Variants in GSN observed in about 807,000 individuals in gnomAD.
GSN encodes actin-depolymerizing factor.
In GSN, 56 loss-of-function variants were observed where a neutral mutation model predicts 85.7. The ratio of observed to expected loss-of-function variants is 0.65; its 90% CI spans 0.53 to 0.82. GSN has a LOEUF of 0.82. GSN is among the 40% of genes least tolerant of loss of function. GSN has a pLI of 0.00. For synonymous variants in GSN, 373 were observed against 399.1 expected (o/e 0.93, Z 0.78); for missense variants, 857 against 979.8 (o/e 0.87, Z 1.67).
At chr9:121,302,645 C>T (rs1315730350) in intron 3 of GSN, among the ~76,000 whole-genome samples, 1 of 152,114 alleles carries the variant, frequency 6.6e-6, no homozygotes, top group Non-Finnish European at 1.5e-5. Flanking sequence ...GTGAATTGAT[C>T]TGATGCTCCC....
At chr9:121,308,723 G>T (rs895496960) in intron 4 of GSN, 6 of 152,270 alleles carry the variant, frequency 3.9e-5, no homozygotes, top group African/African-American at 1.4e-4. Context: ...ACATGCCTGG[G>T]TTTGAATTCT....
chr9:121,302,111 T>C lies in GSN; in HGVS notation c.140T>C (p.Leu47Pro). 1 of 1,614,214 alleles carries C rather than the reference T, an allele frequency of 6.2e-7. No individual in the cohort carries two copies. ...DFFTGDAYVI[L>P]KTVQLRNGNL... ...TTCACGGGCGACGCCTACGTCATCC[T>C]GAAGACAGTGCAGCTGAGGAACGGA... The change falls in exon 3 of 18, where the codon CTG (leucine) becomes CCG (proline). Residue 47 changes from leucine to proline, a missense_variant. Coordinates refer to ENST00000432226, the MANE Select transcript of GSN (RefSeq NM_198252.3).
chr9:121,231,555 A>C (rs1588444000), intron 5 of GSN, among the ~76,000 whole-genome samples: 1 of 152,306 alleles, frequency 6.6e-6, no homozygotes, highest in Non-Finnish European at 1.5e-5. Flanking sequence ...AGAAGAAAAA[A>C]CAAAAAACAA....
intron 4 of GSN, among the ~76,000 whole-genome samples, chr9:121,216,856 A>G (rs2054073132): frequency 1.3e-5 from 2 of 152,216 alleles, no homozygotes; most frequent in African/African-American, 4.8e-5. Context: ...CTACAAGTCC[A>G]AGATCAAGAT....
intron 5 of GSN, among the ~76,000 whole-genome samples, chr9:121,234,629 A>G (rs1274415210): frequency 2.0e-5 from 3 of 152,200 alleles, no homozygotes; most frequent in Non-Finnish European, 2.9e-5. Context: ...AAGCTTCTAT[A>G]AGCCCTCAGG....
Position 121,281,531 on chromosome 9 carries a change from G to T in GSN, c.-41G>T. The T allele has an allele frequency of 2.3e-6, 1 of 435,006 alleles. No homozygotes were observed. The allele number at this position is 435,006 out of a possible 1,614,324, so 26.9% of individuals were successfully genotyped here. On this transcript the variant is annotated 5_prime_UTR_variant, in exon 2 of 18. Transcript: ENST00000432226. ...CTTGGTCCCAGCGCCTTCCCACGGA[G>T]CAGCACTCTTCACCCTGCACAGCCT...
intron 1 of GSN, among the ~76,000 whole-genome samples, chr9:121,272,913 G>A (rs760855891): frequency 7.2e-5 from 11 of 152,148 alleles, no homozygotes; most frequent in Non-Finnish European, 1.2e-4. Context: ...GCCTGGAGAC[G>A]TGAGCTCCTT....
At position 121,260,778 on chromosome 9, in the gene GSN, C is replaced by A. The variant is rs78097410; in HGVS notation, c.-340-4376C>A. Among the ~76,000 whole-genome samples the A allele has an allele frequency of 6.2e-3, 938 of 152,210 alleles. 13 individuals carry two copies. Among genetic ancestry groups the A allele is most frequent in the African/African-American group, 0.021 (870 of 41,538 alleles). On this transcript the variant is annotated intron_variant, in intron 6 of 24. Coordinates refer to the GSN transcript ENST00000373823. ...GGGCAAAGCTATTAGAACTTCACAGCAAAGTCTGCTACTGCTGACAACAGT... is the reference window on the plus strand; with the variant it reads ...GGGCAAAGCTATTAGAACTTCACAGAAAAGTCTGCTACTGCTGACAACAGT...
chr9:121,238,479 A>G (rs945350910), intron 5 of GSN, among the ~76,000 whole-genome samples: 1 of 152,102 alleles, frequency 6.6e-6, no homozygotes, highest in East Asian at 1.9e-4. Context: ...CACAGACTAA[A>G]AGCTTCACTG....
At position 121,332,405 on chromosome 9, in the gene GSN, G is replaced by A. The variant is rs1305306449; in HGVS notation, c.2027-29G>A. On this transcript the variant is annotated intron_variant, in intron 17 of 17. Coordinates refer to ENST00000432226, the MANE Select transcript of GSN (RefSeq NM_198252.3). The surrounding 1 kb of genome is among the most constrained non-coding windows in gnomAD (Gnocchi z 4.8). ...GTGGGAGGCACTAAGAATTCCTGGG[G>A]TTTCCTTTTCTTGCACGTGTGTCTG... 1.2e-6 allele frequency: 2 copies of A among 1,610,080 alleles called. No homozygotes were observed. The highest frequency in any genetic ancestry group is 2.2e-5 in the East Asian group (1 of 44,852).
At chr9:121,217,827 AT>A (rs1316747792) in intron 4 of GSN, among the ~76,000 whole-genome samples, 136 of 148,478 alleles carry the variant, frequency 9.2e-4, no homozygotes, top group African/African-American at 3.2e-3. Flanking sequence ...TATTATTATT[AT>A]TATTATTATA....
chr9:121,255,459 T>C (rs900355190), intron 6 of GSN, among the ~76,000 whole-genome samples: 1 of 152,134 alleles, frequency 6.6e-6, no homozygotes. Context: ...TGGTCTCAAA[T>C]TCCTGGCCTC....
chr9:121,233,027 C>G (rs2054423941), intron 5 of GSN, among the ~76,000 whole-genome samples: 1 of 152,150 alleles, frequency 6.6e-6, no homozygotes, highest in South Asian at 2.1e-4. Context: ...TGTGTTTCCT[C>G]AGCCCTTGAA....
intron 5 of GSN, among the ~76,000 whole-genome samples, chr9:121,231,677 G>T (rs554170259): frequency 3.3e-4 from 51 of 152,304 alleles, no homozygotes; most frequent in African/African-American, 1.2e-3. Flanking sequence ...GAGTCCTACA[G>T]TATGAGCTCT....
intron 6 of GSN, among the ~76,000 whole-genome samples, chr9:121,258,489 G>C (rs1007655183): frequency 1.3e-5 from 2 of 151,626 alleles, no homozygotes; most frequent in Non-Finnish European, 2.9e-5. Flanking sequence ...CTATATTGAA[G>C]ATATTTAAGT....
intron 4 of GSN, among the ~76,000 whole-genome samples, chr9:121,216,999 G>A (rs1377688296): frequency 6.6e-6 from 1 of 152,020 alleles, no homozygotes; most frequent in Non-Finnish European, 1.5e-5. Context: ...TTTTAGTTCT[G>A]GGTTTTGTCT....
At chr9:121,269,042 T>G (rs1406843203) in intron 1 of GSN, among the ~76,000 whole-genome samples, 1 of 152,328 alleles carries the variant, frequency 6.6e-6, no homozygotes, top group Middle Eastern at 3.4e-3. Context: ...CCCAGACATC[T>G]GTCGCTTTAT....
At chr9:121,259,124 G>A (rs1284375753) in intron 6 of GSN, among the ~76,000 whole-genome samples, 3 of 152,216 alleles carry the variant, frequency 2.0e-5, no homozygotes, top group Non-Finnish European at 2.9e-5. Flanking sequence ...CCAGGGTGCT[G>A]TGCTGGGCAT....
chr9:121,234,719 C>T (rs1588450305), intron 5 of GSN, among the ~76,000 whole-genome samples: 1 of 152,184 alleles, frequency 6.6e-6, no homozygotes, highest in Admixed American at 6.5e-5. Context: ...CATGGTGCCT[C>T]ATACCTGTAA....
Sources: allele counts gnomAD v4.1 joint callset (sites outside exome capture counted in the v4.1 genomes callset), GRCh38; gene constraint gnomAD v4.1.1; non-coding constraint Gnocchi (gnomAD v3.1); transcripts MANE v1.5; gene names NCBI Gene and HGNC (gene_info 2026-07-23, HGNC 2026-07-21).